Variants in PISD observed in about 807,000 individuals in gnomAD.
PISD encodes phosphatidylserine decarboxylase proenzyme, mitochondrial.
PISD carries 31 observed loss-of-function variants against 43.5 expected under a neutral mutation model. The observed-to-expected ratio is 0.71, with a 90% CI of 0.54 to 0.96. The LOEUF is 0.96. PISD is among the 40% of genes least tolerant of loss of function. The pLI, the probability that PISD is intolerant of heterozygous loss-of-function variation, is 0.00. For missense variants in PISD, 523 were observed against 548.4 expected (o/e 0.95, Z 0.46); for synonymous variants, 259 against 228.7 (o/e 1.13, Z -1.20).
intron 1 of PISD, among the ~76,000 whole-genome samples, chr22:31,655,393 G>A (rs546721314): frequency 8.4e-4 from 127 of 150,874 alleles, no homozygotes; most frequent in Middle Eastern, 6.9e-3. Context: ...ATAGCTCACC[G>A]CTGCCTCAAA....
chr22:31,624,515 C>T (rs2072767629), intron 3 of PISD, among the ~76,000 whole-genome samples: 1 of 152,124 alleles, frequency 6.6e-6, no homozygotes, highest in Non-Finnish European at 1.5e-5. Context: ...ACCACCACCA[C>T]ACAGCTACGG....
In PISD at chr22:31,621,523, C is replaced by A. The variant is rs111786837; in HGVS notation, c.559-51G>T. The A allele has an allele frequency of 1.1e-5, 18 of 1,608,588 alleles. No individual in the cohort carries two copies. The African/African-American group carries it at 2.0e-4, about 18-fold the overall frequency. On this transcript the variant is annotated intron_variant, in intron 4 of 7. Coordinates refer to ENST00000439502, the MANE Select transcript of PISD (RefSeq NM_001326411.2). Reference sequence around the variant, plus strand: ...CCAGGGAGAGCAGGGTCTCCTCCCCCCAGGAGACAGCCCCCACCTCCCCTT... The same window carrying A: ...CCAGGGAGAGCAGGGTCTCCTCCCCACAGGAGACAGCCCCCACCTCCCCTT...
chr22:31,624,646 C>CAG (rs1556412757), intron 3 of PISD, among the ~76,000 whole-genome samples: 52 of 134,188 alleles, frequency 3.9e-4, no homozygotes, highest in African/African-American at 1.5e-3. Context: ...GCTGGGGCTG[C>CAG]ACAGACAGAC....
In PISD at chr22:31,618,602, A is replaced by G. The variant is rs1425201951; in HGVS notation, c.*1010T>C. 1 of 535,560 alleles carries G rather than the reference A, an allele frequency of 1.9e-6. No homozygotes were observed. Among genetic ancestry groups the G allele is most frequent in the Admixed American group, 4.0e-5 (1 of 25,130 alleles). The allele number at this position is 535,560 out of a possible 1,614,324, so 33.2% of individuals were successfully genotyped here. ...CTGTGCTACTGATACAGTTGAAAAAATTCAATGATGTCTCTCCTGCAGGAG... is the reference window on the plus strand; with the variant it reads ...CTGTGCTACTGATACAGTTGAAAAAGTTCAATGATGTCTCTCCTGCAGGAG... On this transcript the variant is annotated 3_prime_UTR_variant, in exon 8 of 8. Transcript: ENST00000439502.
At chr22:31,644,837 T>C (rs954692491) in intron 3 of PISD, among the ~76,000 whole-genome samples, 25 of 152,242 alleles carry the variant, frequency 1.6e-4, no homozygotes, top group Admixed American at 1.4e-3. Context: ...GTCAAAACTT[T>C]GTTTTGGCCG....
chr22:31,625,152 G>A (rs1327259220), intron 3 of PISD, among the ~76,000 whole-genome samples: 1 of 152,232 alleles, frequency 6.6e-6, no homozygotes, highest in Non-Finnish European at 1.5e-5. Flanking sequence ...CAGCATCTCA[G>A]CTGATAGCAG....
At position 31,630,306 on chromosome 22, in the gene PISD, G is replaced by A. The variant is rs2073138080; in HGVS notation, c.322-8421C>T. On this transcript the variant is annotated intron_variant, in intron 3 of 7. Coordinates refer to ENST00000439502, the MANE Select transcript of PISD (RefSeq NM_001326411.2). This position sits in a 1 kb window ranked among gnomAD's most constrained non-coding sequence, Gnocchi z 4.4. ...GGGGAACCGGCTCTGGGCAAAGGCA[G>A]TAAGCCGGCCACCCGCTCCCTGGCC... 6.6e-6 allele frequency among the ~76,000 whole-genome samples: 1 copy of A among 152,138 alleles called. No homozygotes were observed. The highest frequency in any genetic ancestry group is 2.1e-4 in the South Asian group (1 of 4,828).
chr22:31,634,953 G>A (rs1286844724), intron 3 of PISD, among the ~76,000 whole-genome samples: 5 of 151,790 alleles, frequency 3.3e-5, no homozygotes, highest in Admixed American at 6.6e-5. Context: ...GATCACCTGA[G>A]GTCAAGAGTT....
chr22:31,631,113 G>A (rs1321084021), intron 3 of PISD, among the ~76,000 whole-genome samples: 1 of 152,112 alleles, frequency 6.6e-6, no homozygotes, highest in Non-Finnish European at 1.5e-5. Context: ...AGGTGGGCCC[G>A]GCTGCTCCCA....
intron 3 of PISD, among the ~76,000 whole-genome samples, chr22:31,635,563 C>T (rs1317969039): frequency 6.6e-6 from 1 of 152,200 alleles, no homozygotes; most frequent in African/African-American, 2.4e-5. Context: ...TCCCAAAGTG[C>T]TGGGATTACG....
intron 3 of PISD, among the ~76,000 whole-genome samples, chr22:31,624,662 C>G (rs560529795): frequency 9.7e-4 from 139 of 143,924 alleles, no homozygotes; most frequent in African/African-American, 2.0e-3. Flanking sequence ...CAGACACACA[C>G]ACACACACAC....
chr22:31,649,710 C>T (rs754574793), intron 2 of PISD, among the ~76,000 whole-genome samples: 7 of 151,828 alleles, frequency 4.6e-5, no homozygotes, highest in South Asian at 4.1e-4. Context: ...TCAGCCTGGG[C>T]GACAGAGCGA....
chr22:31,647,718 T>C (rs1039277862), intron 3 of PISD, among the ~76,000 whole-genome samples: 10 of 151,976 alleles, frequency 6.6e-5, no homozygotes, highest in Non-Finnish European at 1.5e-4. Context: ...CAAAGGAATT[T>C]GATTATTTCT....
intron 1 of PISD, among the ~76,000 whole-genome samples, chr22:31,654,479 C>A (rs568406252): frequency 6.6e-6 from 1 of 152,274 alleles, no homozygotes; most frequent in African/African-American, 2.4e-5. Context: ...CATTTTGAGT[C>A]CTCTCAAACT....
chr22:31,633,490 C>T (rs1438221200), intron 3 of PISD, among the ~76,000 whole-genome samples: 6 of 152,098 alleles, frequency 3.9e-5, no homozygotes, highest in African/African-American at 7.2e-5. Flanking sequence ...CCGAGGCAGG[C>T]GGATCACGAG....
Position 31,634,995 on chromosome 22 carries a change from T to C in PISD, c.321+13106A>G, listed in dbSNP as rs543278525. ...CAGCCTGGCCAACATGGTGAAACCC[T>C]GTCTCTACTAAAAATACAAAATTAC... On this transcript the variant is annotated intron_variant, in intron 3 of 7. Transcript: ENST00000439502. Among the ~76,000 whole-genome samples the C allele has an allele frequency of 9.2e-4, 139 of 151,478 alleles. 1 individual carries two copies. Among genetic ancestry groups the C allele is most frequent in the South Asian group, 1.9e-3 (9 of 4,796 alleles).
intron 3 of PISD, among the ~76,000 whole-genome samples, chr22:31,635,128 T>G (rs1011407083): frequency 3.3e-5 from 5 of 151,958 alleles, no homozygotes; most frequent in Admixed American, 3.3e-4. Flanking sequence ...ATCGTGCCAT[T>G]GCACTCCAGT....
chr22:31,630,763 GGGCTCCCGGCAGGGCCGGGGCGCC>G lies in PISD; in HGVS notation c.322-8902_322-8879del. On this transcript the variant is annotated intron_variant, in intron 3 of 7. Transcript: ENST00000439502. This position sits in a 1 kb window ranked among gnomAD's most constrained non-coding sequence, Gnocchi z 4.4. ...GGGCGCCTCCCTGAGAAGTCACCTG[GGGCTCCCGGCAGGGCCGGGGCGCC>G]GGCTCCGCTCACTCACCCGCAGGTG... The G allele has an allele frequency of 2.0e-6, 2 of 985,598 alleles. No individual in the cohort carries two copies. Among genetic ancestry groups the G allele is most frequent in the Non-Finnish European group, 2.4e-6 (2 of 830,076 alleles). 61.1% of individuals were successfully genotyped at this position (985,598 alleles called of 1,614,324 possible).
At chr22:31,648,052 G>A (rs1703316158) in intron 3 of PISD, 49 bp downstream of exon 3, 2 of 1,507,984 alleles carry the variant, frequency 1.3e-6, no homozygotes, top group African/African-American at 2.8e-5. Context: ...AAAAGTGACA[G>A]ACAAAGTTTG....
Sources: allele counts gnomAD v4.1 joint callset (sites outside exome capture counted in the v4.1 genomes callset), GRCh38; gene constraint gnomAD v4.1.1; non-coding constraint Gnocchi (gnomAD v3.1); transcripts MANE v1.5; gene names NCBI Gene and HGNC (gene_info 2026-07-23, HGNC 2026-07-21).